The following BLTP3B variants were observed in gnomAD, a reference collection of about 807,000 sequenced individuals.
BLTP3B encodes bridge-like lipid transfer protein family member 3B.
At chr12:100,062,276 G>A in the BLTP3B span, among the ~76,000 whole-genome samples, 1 of 152,214 alleles carries the variant, frequency 6.6e-6, no homozygotes, top group African/African-American at 2.4e-5. Context: ...AAAACTGCAA[G>A]CGTACAAGCA....
chr12:100,049,911 C>T, the BLTP3B span, among the ~76,000 whole-genome samples: 3 of 151,948 alleles, frequency 2.0e-5, no homozygotes, highest in East Asian at 1.9e-4. Context: ...TTTTTGGAGA[C>T]GAAATAAAAC....
At chr12:100,058,642 C>T in the BLTP3B span, 1 of 1,614,074 alleles carries the variant, frequency 6.2e-7, no homozygotes, top group Non-Finnish European at 8.5e-7. Flanking sequence ...AGAGTATTTG[C>T]TTGATCCACT....
chr12:100,126,150 G>A, the BLTP3B span, among the ~76,000 whole-genome samples: 2 of 152,128 alleles, frequency 1.3e-5, no homozygotes, highest in Non-Finnish European at 2.9e-5. Context: ...ATAAAAGTAG[G>A]CAGCACTCAA....
the BLTP3B span, chr12:100,086,339 A>C: frequency 9.2e-7 from 1 of 1,089,024 alleles, no homozygotes; most frequent in East Asian, 4.7e-5. Context: ...TTGCCCCTCC[A>C]GTAATACGTC....
chr12:100,073,209 CCATA>C, the BLTP3B span, among the ~76,000 whole-genome samples: 2 of 152,090 alleles, frequency 1.3e-5, no homozygotes, highest in African/African-American at 4.8e-5. Flanking sequence ...ATAATCTTTA[CCATA>C]ATCTCTCCAT....
chr12:100,054,832 C>T, the BLTP3B span, among the ~76,000 whole-genome samples: 15 of 152,162 alleles, frequency 9.9e-5, no homozygotes, highest in Admixed American at 9.2e-4. Context: ...GACAACTCTG[C>T]CTCTTACTAC....
the BLTP3B span, among the ~76,000 whole-genome samples, chr12:100,053,569 G>A: frequency 2.0e-5 from 3 of 152,234 alleles, no homozygotes; most frequent in East Asian, 5.8e-4. Context: ...ATGTATACAT[G>A]CACGCATGCA....
At chr12:100,134,752 T>C in the BLTP3B span, among the ~76,000 whole-genome samples, 9 of 152,334 alleles carry the variant, frequency 5.9e-5, no homozygotes, top group Admixed American at 4.6e-4. Flanking sequence ...ACCTTTTCCA[T>C]TGCTTATGTT....
chr12:100,086,363 GA>G, the BLTP3B span: 674 of 374,192 alleles, frequency 1.8e-3, 1 homozygote, highest in Non-Finnish European at 2.3e-3. Flanking sequence ...TTGACTCTGG[GA>G]AAAAAAAAGG....
At chr12:100,136,050 A>G in the BLTP3B span, among the ~76,000 whole-genome samples, 1 of 152,104 alleles carries the variant, frequency 6.6e-6, no homozygotes, top group African/African-American at 2.4e-5. Context: ...GTCTCTACTA[A>G]AAATACAAAA....
At chr12:100,113,988 G>C in the BLTP3B span, among the ~76,000 whole-genome samples, 1 of 151,984 alleles carries the variant, frequency 6.6e-6, no homozygotes, top group Non-Finnish European at 1.5e-5. Flanking sequence ...TTTCAAAGGG[G>C]GTTTTTGGAC....
At chr12:100,141,202 T>G in the BLTP3B span, among the ~76,000 whole-genome samples, 1 of 151,874 alleles carries the variant, frequency 6.6e-6, no homozygotes, top group African/African-American at 2.4e-5. Flanking sequence ...TACATATTCA[T>G]GCAGGGCGTG....
At chr12:100,109,378 GTATT>G in the BLTP3B span, among the ~76,000 whole-genome samples, 6 of 152,208 alleles carry the variant, frequency 3.9e-5, no homozygotes, top group Non-Finnish European at 7.4e-5. Flanking sequence ...GACAGATATA[GTATT>G]CAACAGCACA....
At chr12:100,047,583 T>C in the BLTP3B span, 2 of 1,613,694 alleles carry the variant, frequency 1.2e-6, no homozygotes, top group South Asian at 1.1e-5. Context: ...ATGATCAATA[T>C]GTACAGTTAC....
the BLTP3B span, among the ~76,000 whole-genome samples, chr12:100,123,791 G>A: frequency 6.6e-6 from 1 of 151,052 alleles, no homozygotes; most frequent in South Asian, 2.1e-4. Context: ...CACAGAGTTT[G>A]TCTGGCTTGG....
the BLTP3B span, chr12:100,057,527 T>C: frequency 6.6e-7 from 1 of 1,525,862 alleles, no homozygotes; most frequent in Non-Finnish European, 8.9e-7. Flanking sequence ...TCTCCTAAGG[T>C]GTATGTACGT....
chr12:100,133,923 T>C, the BLTP3B span, among the ~76,000 whole-genome samples: 4 of 152,240 alleles, frequency 2.6e-5, no homozygotes, highest in African/African-American at 4.8e-5. Context: ...ACAGATATTG[T>C]TACAATTTTT....
the BLTP3B span, among the ~76,000 whole-genome samples, chr12:100,076,288 TC>T: frequency 6.6e-6 from 1 of 152,096 alleles, no homozygotes; most frequent in Non-Finnish European, 1.5e-5. Context: ...TGTTTTTTTT[TC>T]CATTCATCAT....
At chr12:100,046,168 C>T in the BLTP3B span, among the ~76,000 whole-genome samples, 10,014 of 152,154 alleles carry the variant, frequency 0.066, 849 homozygotes, top group African/African-American at 0.2. Flanking sequence ...GACAGTGTGG[C>T]GATTCCTCAA....
Sources: allele counts gnomAD v4.1 joint callset (sites outside exome capture counted in the v4.1 genomes callset), GRCh38; gene constraint gnomAD v4.1.1; transcripts MANE v1.5; gene names NCBI Gene and HGNC (gene_info 2026-07-23, HGNC 2026-07-21).